NBAS: variants seen among roughly 807,000 people sequenced by gnomAD.
NBAS encodes NAG/BC035112 fusion.
Under a neutral mutation model 302.5 loss-of-function variants are expected in NBAS, and 219 were observed. The observed-to-expected ratio is 0.72, with a 90% confidence interval of 0.65 to 0.81. The LOEUF is 0.81. Among genes scored for constraint, NBAS ranks in the 30% least tolerant of loss-of-function variants. The pLI, the probability that NBAS is intolerant of heterozygous loss-of-function variation, is 0.00. For synonymous variants in NBAS, 1,118 were observed against 1,021.6 expected, an observed-to-expected ratio of 1.09 and a Z score of -1.80; for missense variants, 2,932 against 2,841.6, an observed-to-expected ratio of 1.03 and a Z score of -0.72.
At chr2:15,493,922 G>T (rs1033585449) in intron 11 of NBAS, among the ~76,000 whole-genome samples, 2 of 150,534 alleles carry the variant, frequency 1.3e-5, no homozygotes, top group Non-Finnish European at 2.9e-5. Context: ...TGCCTCGAGG[G>T]TTCAAGGATT....
At chr2:15,123,676 G>A in the NBAS span, among the ~76,000 whole-genome samples, 1,878 of 152,208 alleles carry the variant, frequency 0.012, 39 homozygotes, top group African/African-American at 0.043. Flanking sequence ...CTCACCCTGT[G>A]ACATGCTGGC....
At chr2:14,814,871 G>C in the NBAS span, among the ~76,000 whole-genome samples, 1 of 152,190 alleles carries the variant, frequency 6.6e-6, no homozygotes, top group Non-Finnish European at 1.5e-5. Context: ...GTGGGACCTA[G>C]TAGGCGGTGA....
At position 15,167,319 on chromosome 2, in the gene NBAS, T is replaced by C. The variant is rs755385089; in HGVS notation, c.6845A>G (p.Asn2282Ser). ...AAGTTCTTGGTCACAATTGGAATCA[T>C]TCACCTTCAAGAAATAAGACAGGCA... The part of the protein sequence containing the change: ...LEQITAVTTV[N>S]DSNCDQELLS... Residue 2282 changes from asparagine to serine, a missense_variant, in exon 52 of 52, where the codon AAT (asparagine) becomes AGT (serine). By Grantham distance (46) the Asn-to-Ser change is conservative (BLOSUM62 1). Transcript: ENST00000281513. 6.2e-7 allele frequency: 1 copy of C among 1,614,202 alleles called. No homozygotes were observed. The highest frequency in any genetic ancestry group is 1.1e-5 in the South Asian group (1 of 91,072).
the NBAS span, among the ~76,000 whole-genome samples, chr2:15,019,415 C>A: frequency 6.6e-6 from 1 of 152,154 alleles, no homozygotes; most frequent in African/African-American, 2.4e-5. Context: ...TTTTTAATAT[C>A]CCTTTATACA....
At chr2:14,939,440 C>A in the NBAS span, among the ~76,000 whole-genome samples, 2 of 152,182 alleles carry the variant, frequency 1.3e-5, no homozygotes, top group African/African-American at 4.8e-5. Flanking sequence ...AAGAGCACAG[C>A]TAAAAAAGGC....
the NBAS span, among the ~76,000 whole-genome samples, chr2:14,888,291 C>T: frequency 3.5e-3 from 530 of 152,130 alleles, 6 homozygotes; most frequent in African/African-American, 0.011. Context: ...CCACCACACC[C>T]GGCTAATTTT....
Position 15,451,771 on chromosome 2 carries a change from A to C in NBAS, c.2339+9430T>G, listed in dbSNP as rs557988930. On this transcript the variant is annotated intron_variant, in intron 21 of 51. Coordinates refer to ENST00000281513, the MANE Select transcript of NBAS (RefSeq NM_015909.4). ...TCAAAAGACACTAGAAGTTCCCTTC[A>C]GGTTGGATACTCTCTTTATCACCAA... 3.9e-5 allele frequency among the ~76,000 whole-genome samples: 6 copies of C among 152,200 alleles called. No homozygotes were observed. In the South Asian group the frequency reaches 1.2e-3, roughly 32 times the overall value.
chr2:14,969,989 TTAAACTTTTAGAAA>T, the NBAS span, among the ~76,000 whole-genome samples: 4 of 152,210 alleles, frequency 2.6e-5, no homozygotes, highest in African/African-American at 9.6e-5. Flanking sequence ...AGAGTCAAAC[TTAAACTTTTAGAAA>T]TAAACTTTTA....
chr2:15,495,007 T>C (rs1048788478), intron 11 of NBAS, among the ~76,000 whole-genome samples: 1 of 152,190 alleles, frequency 6.6e-6, no homozygotes, highest in Non-Finnish European at 1.5e-5. Context: ...GCAGGGAACA[T>C]CTCTTGGCAT....
At chr2:15,472,366 G>A (rs553535561) in intron 16 of NBAS, among the ~76,000 whole-genome samples, 11 of 152,320 alleles carry the variant, frequency 7.2e-5, no homozygotes, top group African/African-American at 2.6e-4. Flanking sequence ...CTCATGGGCA[G>A]ATTGTTTTCT....
chr2:15,284,422 C>G (rs964765863), intron 42 of NBAS, among the ~76,000 whole-genome samples: 7 of 152,104 alleles, frequency 4.6e-5, no homozygotes, highest in African/African-American at 1.7e-4. Flanking sequence ...TTTGTTTGAT[C>G]TAGCTATTTT....
the NBAS span, among the ~76,000 whole-genome samples, chr2:15,147,648 C>G: frequency 6.6e-6 from 1 of 151,980 alleles, no homozygotes; most frequent in African/African-American, 2.4e-5. Context: ...CCCTTCAACC[C>G]TAATTTGTAG....
At chr2:15,177,389 T>C (rs968716419) in intron 51 of NBAS, among the ~76,000 whole-genome samples, 3 of 152,128 alleles carry the variant, frequency 2.0e-5, no homozygotes, top group Non-Finnish European at 4.4e-5. Context: ...GCTGTGTGGG[T>C]AGTAAGATTA....
intron 28 of NBAS, among the ~76,000 whole-genome samples, chr2:15,389,206 C>CTCTCCAACT: frequency 6.6e-6 from 1 of 152,256 alleles, no homozygotes; most frequent in African/African-American, 2.4e-5. Flanking sequence ...TCCCAGATGA[C>CTCTCCAACT]CCCAGCAATA....
chr2:15,110,311 T>C, the NBAS span, among the ~76,000 whole-genome samples: 1 of 152,228 alleles, frequency 6.6e-6, no homozygotes, highest in South Asian at 2.1e-4. Context: ...TAAGTAGCCT[T>C]CCCTTTCACA....
At chr2:15,030,058 C>T in the NBAS span, among the ~76,000 whole-genome samples, 2 of 152,228 alleles carry the variant, frequency 1.3e-5, no homozygotes, top group African/African-American at 2.4e-5. Flanking sequence ...AATTCAGTCT[C>T]ACAGCCTCCA....
chr2:15,063,063 C>G, the NBAS span, among the ~76,000 whole-genome samples: 2 of 152,208 alleles, frequency 1.3e-5, no homozygotes, highest in African/African-American at 2.4e-5. Context: ...TTGCAAACTT[C>G]CCTGTCTAAC....
chr2:15,162,136 AGC>A (rs1663913887), downstream of NBAS, among the ~76,000 whole-genome samples: 1 of 151,358 alleles, frequency 6.6e-6, no homozygotes, highest in South Asian at 2.1e-4. Flanking sequence ...TAGCCAGGCC[AGC>A]TCTCAAACCC....
chr2:14,996,991 C>T, the NBAS span, among the ~76,000 whole-genome samples: 1 of 152,048 alleles, frequency 6.6e-6, no homozygotes. Context: ...CAAGACTGTG[C>T]TTGAATTTAG....
Sources: gnomAD v4.1 joint callset for allele counts (sites outside exome capture counted in the v4.1 genomes callset) on GRCh38, gnomAD v4.1.1 for gene constraint, MANE v1.5 for transcripts, NCBI Gene and HGNC (gene_info 2026-07-23, HGNC 2026-07-21) for gene names.